Variants in IL1RAPL2 observed in about 807,000 individuals in gnomAD.
IL1RAPL2 encodes the protein X-linked interleukin-1 receptor accessory protein-like 2.
IL1RAPL2 carries 3 observed loss-of-function variants against 44.1 expected under a neutral mutation model. The observed-to-expected ratio is 0.07, with a 90% confidence interval of 0.03 to 0.18. IL1RAPL2 has a LOEUF of 0.18. Ranked by LOEUF, IL1RAPL2 falls within the 10% of genes least tolerant of loss-of-function variation. The pLI is 1.00. For missense variants in IL1RAPL2, 391 were observed against 496.4 expected, an observed-to-expected ratio of 0.79 and a Z score of 2.02; for synonymous variants, 181 against 178.8, an observed-to-expected ratio of 1.01 and a Z score of -0.10.
intron 2 of IL1RAPL2, among the ~76,000 whole-genome samples, chrX:104,887,585 T>C (rs371505716): frequency 9.0e-6 from 1 of 111,556 alleles, no homozygotes; most frequent in African/African-American, 3.3e-5. Flanking sequence ...TTTATGGCTA[T>C]CAGACACCAC....
intron 2 of IL1RAPL2, among the ~76,000 whole-genome samples, chrX:104,823,316 T>C (rs1246666630): frequency 9.0e-6 from 1 of 111,215 alleles, no homozygotes; most frequent in Non-Finnish European, 1.9e-5. Context: ...GTTCTCATTG[T>C]TCAGTTCCCA....
intron 2 of IL1RAPL2, among the ~76,000 whole-genome samples, chrX:105,027,820 C>G (rs985325061): frequency 9.0e-6 from 1 of 111,538 alleles, no homozygotes; most frequent in East Asian, 2.8e-4. Context: ...AGCAATCTCA[C>G]TGCTGGGCAC....
intron 2 of IL1RAPL2, among the ~76,000 whole-genome samples, chrX:105,112,926 G>T (rs2032816444): frequency 1.8e-5 from 2 of 112,725 alleles, no homozygotes; most frequent in Admixed American, 1.9e-4. Context: ...ATCAGTGAAA[G>T]ACCCTATTGG....
intron 5 of IL1RAPL2, among the ~76,000 whole-genome samples, chrX:105,293,919 T>A (rs2034635574): frequency 8.9e-6 from 1 of 112,277 alleles, no homozygotes; most frequent in South Asian, 3.7e-4. Context: ...AATTGAATTG[T>A]TTGTAATATG....
At chrX:105,192,900 C>A (rs1387605469) in intron 2 of IL1RAPL2, among the ~76,000 whole-genome samples, 1 of 111,931 alleles carries the variant, frequency 8.9e-6, no homozygotes, top group Non-Finnish European at 1.9e-5. Context: ...GAAAAGAGAC[C>A]ATAAATCTAT....
At chrX:104,786,762 C>A (rs770659663) in intron 2 of IL1RAPL2, among the ~76,000 whole-genome samples, 2 of 111,212 alleles carry the variant, frequency 1.8e-5, no homozygotes, top group Non-Finnish European at 3.8e-5. Context: ...GCTAGGGGAA[C>A]GAGACAAACA....
intron 4 of IL1RAPL2, among the ~76,000 whole-genome samples, chrX:105,238,563 A>C (rs962031441): frequency 1.8e-5 from 2 of 110,024 alleles, no homozygotes; most frequent in Non-Finnish European, 3.8e-5. Context: ...TGTTTACAGG[A>C]GAAAAAGACA....
At chrX:105,525,052 G>T (rs188081732) in intron 6 of IL1RAPL2, among the ~76,000 whole-genome samples, 1 of 111,298 alleles carries the variant, frequency 9.0e-6, no homozygotes, top group Admixed American at 9.5e-5. Flanking sequence ...GTTGCTGCTA[G>T]TTTGGGTTCA....
At position 105,358,695 on chromosome X, in the gene IL1RAPL2, C is replaced by CA. The variant is rs200273226; in HGVS notation, c.697+91156dup. On this transcript the variant is annotated intron_variant, in intron 5 of 10. Coordinates refer to ENST00000372582, the MANE Select transcript of IL1RAPL2 (RefSeq NM_017416.2). Reference sequence around the variant, plus strand: ...GTCTCAAAAAAAAAAAACACAACAACAACAAACAAAAAAAAAAAAAGAAAA... The same window carrying CA: ...GTCTCAAAAAAAAAAAACACAACAACAAACAAACAAAAAAAAAAAAAGAAAA... 2.7e-4 allele frequency among the ~76,000 whole-genome samples: 19 copies of CA among 70,125 alleles called. No homozygotes were observed. The East Asian group carries it at 6.2e-3, about 23-fold the overall frequency. The allele number at this position is 70,125 out of a possible 115,157, so 60.9% of individuals were successfully genotyped here. A position where few individuals can be genotyped will look rare whatever the true frequency, so the allele number is the denominator to read the frequency against.
chrX:104,920,485 T>C (rs950269955), intron 2 of IL1RAPL2, among the ~76,000 whole-genome samples: 7 of 102,357 alleles, frequency 6.8e-5, no homozygotes, highest in Non-Finnish European at 1.4e-4. Flanking sequence ...ACTGAGTGAG[T>C]TATCGTGAGA....
intron 5 of IL1RAPL2, among the ~76,000 whole-genome samples, chrX:105,395,403 T>A (rs1169531038): frequency 4.6e-5 from 5 of 109,866 alleles, no homozygotes; most frequent in African/African-American, 6.6e-5. Context: ...AGAAGAGATA[T>A]TCTTAAACTC....
intron 5 of IL1RAPL2, among the ~76,000 whole-genome samples, chrX:105,382,975 G>T (rs1296188061): frequency 5.8e-5 from 4 of 69,211 alleles, no homozygotes; most frequent in Non-Finnish European, 7.8e-5. Flanking sequence ...GTTGTGGGGT[G>T]GGGGGAGGGG....
At chrX:105,520,923 C>CTTTTTTTTTTTTTTTT (rs1172515228) in intron 6 of IL1RAPL2, among the ~76,000 whole-genome samples, 9 of 52,370 alleles carry the variant, frequency 1.7e-4, no homozygotes, top group Admixed American at 2.5e-4. Context: ...TTCTTTCTTT[C>CTTTTTTTTTTTTTTTT]TTTTTTTTTT....
At chrX:105,722,813 T>C (rs989494496) in intron 7 of IL1RAPL2, among the ~76,000 whole-genome samples, 1 of 111,458 alleles carries the variant, frequency 9.0e-6, no homozygotes. Context: ...AAGATGCCTG[T>C]AGATCCAGTG....
intron 2 of IL1RAPL2, among the ~76,000 whole-genome samples, chrX:105,192,005 C>T (rs1391416287): frequency 1.3e-4 from 14 of 111,758 alleles, no homozygotes; most frequent in African/African-American, 3.6e-4. Context: ...GAATTGTGAA[C>T]AGTATAGGGC....
chrX:105,169,670 A>C (rs996749806), intron 2 of IL1RAPL2, among the ~76,000 whole-genome samples: 2 of 106,737 alleles, frequency 1.9e-5, no homozygotes, highest in Non-Finnish European at 3.8e-5. Flanking sequence ...CTGGGATTAC[A>C]GGTGCATGCC....
chrX:105,086,880 G>C (rs1442082605), intron 2 of IL1RAPL2, among the ~76,000 whole-genome samples: 1 of 110,639 alleles, frequency 9.0e-6, no homozygotes, highest in Non-Finnish European at 1.9e-5. Context: ...AAAATAGTAG[G>C]GACCAGGAAC....
intron 6 of IL1RAPL2, among the ~76,000 whole-genome samples, chrX:105,691,929 A>G (rs1478406556): frequency 3.6e-5 from 4 of 112,018 alleles, no homozygotes; most frequent in Admixed American, 1.9e-4. Context: ...AACATAGCTG[A>G]AAGAAAATGA....
chrX:105,274,255 T>C (rs994639939), intron 5 of IL1RAPL2, among the ~76,000 whole-genome samples: 2 of 111,533 alleles, frequency 1.8e-5, no homozygotes, highest in Admixed American at 1.9e-4. Flanking sequence ...TCGTTAGGAG[T>C]AGGGCCAATA....
Sources: allele counts gnomAD v4.1 joint callset (sites outside exome capture counted in the v4.1 genomes callset), GRCh38; gene constraint gnomAD v4.1.1; transcripts MANE v1.5; gene names NCBI Gene and HGNC (gene_info 2026-07-23, HGNC 2026-07-21).